NHEJ1: variants seen among roughly 807,000 people sequenced by gnomAD.
NHEJ1 encodes non-homologous end-joining factor 1.
A neutral mutation model predicts 39.4 loss-of-function variants in NHEJ1; 22 were observed. That is an observed-to-expected ratio of 0.56 (90% CI 0.40 to 0.80). NHEJ1 has a LOEUF of 0.80. NHEJ1 is among the 30% of genes least tolerant of loss of function. The pLI, the probability that NHEJ1 is intolerant of heterozygous loss-of-function variation, is 0.00. For missense variants in NHEJ1, 329 were observed against 357.1 expected, an observed-to-expected ratio of 0.92 and a Z score of 0.63; for synonymous variants, 154 against 135.6, an observed-to-expected ratio of 1.14 and a Z score of -0.94.
intron 5 of NHEJ1, among the ~76,000 whole-genome samples, chr2:219,080,680 AATATATATGCTT>A (rs1411239116): frequency 6.0e-5 from 5 of 83,156 alleles, no homozygotes; most frequent in African/African-American, 1.9e-4. Flanking sequence ...TATATATGCT[AATATATATGCTT>A]ATATATATAT....
rs1948957880 is a variant in NHEJ1, at chr2:219,071,608, T to C, written c.*4773A>G. Among the ~76,000 whole-genome samples, 1 of 152,218 alleles carries C rather than the reference T, an allele frequency of 6.6e-6. No homozygotes were observed. The highest frequency in any genetic ancestry group is 6.5e-5 in the Admixed American group (1 of 15,288). On this transcript the variant is annotated 3_prime_UTR_variant, in exon 8 of 8. Coordinates refer to ENST00000356853, the MANE Select transcript of NHEJ1 (RefSeq NM_024782.3). ...TACTCCCCAATTCTAACTCTGCTAC[T>C]GTTTTGGGCCCCAGAGTAAGGGCAG...
intron 5 of NHEJ1, among the ~76,000 whole-genome samples, chr2:219,090,006 T>C (rs1467918129): frequency 6.6e-6 from 1 of 152,182 alleles, no homozygotes; most frequent in East Asian, 1.9e-4. Flanking sequence ...TGAAAATAAG[T>C]CCACCACTTA....
intron 3 of NHEJ1, among the ~76,000 whole-genome samples, chr2:219,152,550 C>T (rs1030265649): frequency 6.6e-6 from 1 of 151,946 alleles, no homozygotes; most frequent in African/African-American, 2.4e-5. Context: ...CCTTGAACTC[C>T]TGGGCTCAAG....
chr2:219,070,674 TTTTC>T lies in NHEJ1; in HGVS notation c.*5703_*5706del, dbSNP rs748034762. Among the ~76,000 whole-genome samples, 219 of 151,762 alleles carry T rather than the reference TTTTC, an allele frequency of 1.4e-3. 2 individuals are homozygous for T. Among genetic ancestry groups the T allele is most frequent in the Middle Eastern group, 3.4e-3 (1 of 294 alleles). On this transcript the variant is annotated 3_prime_UTR_variant, in exon 8 of 8. Transcript: ENST00000356853. The stretch of plus-strand genomic sequence containing the variant: ...TTTAGCACAATCCAGACACTCAATC[TTTTC>T]TTTCTTTTTTTTTTTTAATTCAAAA...
At chr2:219,116,346 A>T (rs1949415988) in intron 5 of NHEJ1, among the ~76,000 whole-genome samples, 1 of 152,082 alleles carries the variant, frequency 6.6e-6, no homozygotes, top group African/African-American at 2.4e-5. Context: ...ATTGGTGGAT[A>T]TAACTCTTAG....
chr2:219,153,865 G>A (rs974049990), intron 3 of NHEJ1, among the ~76,000 whole-genome samples: 24 of 152,218 alleles, frequency 1.6e-4, no homozygotes, highest in African/African-American at 5.3e-4. Flanking sequence ...ACAGCTGGAA[G>A]GAGTTAAGCT....
At chr2:219,136,288 T>C (rs1435222497) in intron 5 of NHEJ1, among the ~76,000 whole-genome samples, 17 of 12,862 alleles carry the variant, frequency 1.3e-3, no homozygotes, top group Non-Finnish European at 9.2e-4. Flanking sequence ...CTTGGTTTCT[T>C]TTTTTTTTTT....
intron 5 of NHEJ1, 112 bp from the exon 6 acceptor site, chr2:219,078,318 T>A: frequency 1.1e-6 from 1 of 918,080 alleles, no homozygotes; most frequent in Non-Finnish European, 1.8e-6. Flanking sequence ...ATAAAGCAGT[T>A]AGATCCAATA....
chr2:219,108,685 T>C (rs1449564361), intron 5 of NHEJ1, among the ~76,000 whole-genome samples: 1 of 152,194 alleles, frequency 6.6e-6, no homozygotes, highest in Non-Finnish European at 1.5e-5. Flanking sequence ...AAATAATCCC[T>C]TCTGATTCCA....
intron 5 of NHEJ1, among the ~76,000 whole-genome samples, chr2:219,117,883 A>C (rs535909293): frequency 1.3e-5 from 2 of 152,370 alleles, no homozygotes; most frequent in Admixed American, 1.3e-4. Flanking sequence ...GGCATACAAT[A>C]GGTACAAAAA....
In NHEJ1 at chr2:219,138,762, A is replaced by C. The variant is rs908187245; in HGVS notation, c.588+7918T>G. ...ATGGTAAGATGAAATGGGAGTGCTAAGGTGCAGGGGGGACAAATGGAGCTT... is the reference window on the plus strand; with the variant it reads ...ATGGTAAGATGAAATGGGAGTGCTACGGTGCAGGGGGGACAAATGGAGCTT... On this transcript the variant is annotated intron_variant, in intron 5 of 7. Coordinates refer to ENST00000356853, the MANE Select transcript of NHEJ1 (RefSeq NM_024782.3). Among the ~76,000 whole-genome samples, 14 of 152,236 alleles carry C rather than the reference A, an allele frequency of 9.2e-5. 1 individual carries two copies. Among genetic ancestry groups the C allele is most frequent in the Non-Finnish European group, 1.9e-4 (13 of 68,042 alleles).
intron 5 of NHEJ1, among the ~76,000 whole-genome samples, chr2:219,102,017 C>A (rs1282597750): frequency 6.6e-6 from 1 of 152,236 alleles, no homozygotes; most frequent in Non-Finnish European, 1.5e-5. Flanking sequence ...AGCCACCGCA[C>A]CCAGCCCTCA....
chr2:219,158,007 A>T (rs1170241703), intron 2 of NHEJ1, among the ~76,000 whole-genome samples, 179 bp downstream of exon 2: 18 of 148,894 alleles, frequency 1.2e-4, no homozygotes, highest in African/African-American at 3.3e-4. Context: ...ACACACACAC[A>T]CACACACACA....
chr2:219,112,678 T>C (rs1949376467), intron 5 of NHEJ1, among the ~76,000 whole-genome samples: 1 of 152,166 alleles, frequency 6.6e-6, no homozygotes, highest in Non-Finnish European at 1.5e-5. Context: ...GACTCATCAA[T>C]ACTACTTCCC....
At chr2:219,120,505 T>A (rs566612311) in intron 5 of NHEJ1, among the ~76,000 whole-genome samples, 79 of 152,298 alleles carry the variant, frequency 5.2e-4, no homozygotes, top group Middle Eastern at 3.4e-3. Flanking sequence ...GTGTTAATAT[T>A]ATTCTTTCTG....
rs982722299 is a variant in NHEJ1 at position 219,083,485 on chromosome 2, A to C, written c.589-5279T>G. ...AAAAATTACTAGAAAAAAAAAAAAG[A>C]AATACACTTTAAGTTCTGGCCTTAA... On this transcript the variant is annotated intron_variant, in intron 5 of 7. Transcript: ENST00000356853. Among the ~76,000 whole-genome samples, 31 of 148,860 alleles carry C rather than the reference A, an allele frequency of 2.1e-4. No individual in the cohort carries two copies. The South Asian group carries it at 2.1e-3, about 10-fold the overall frequency.
At chr2:219,122,430 ATC>A (rs1186651738) in intron 5 of NHEJ1, among the ~76,000 whole-genome samples, 1 of 152,138 alleles carries the variant, frequency 6.6e-6, no homozygotes, top group Non-Finnish European at 1.5e-5. Context: ...CATGTTAGTT[ATC>A]TCTGTACCCT....
chr2:219,105,555 G>A (rs1011984612), intron 5 of NHEJ1, among the ~76,000 whole-genome samples: 4 of 152,186 alleles, frequency 2.6e-5, no homozygotes, highest in African/African-American at 9.7e-5. Context: ...TGTTCACGAA[G>A]TATTTAAAGA....
At chr2:219,137,999 C>T (rs1574735628) in intron 5 of NHEJ1, among the ~76,000 whole-genome samples, 2 of 152,226 alleles carry the variant, frequency 1.3e-5, no homozygotes, top group East Asian at 1.9e-4. Context: ...TTTTCTAGGT[C>T]GGAGAACTGA....
Sources: allele counts gnomAD v4.1 joint callset (sites outside exome capture counted in the v4.1 genomes callset), GRCh38; gene constraint gnomAD v4.1.1; transcripts MANE v1.5; gene names NCBI Gene and HGNC (gene_info 2026-07-23, HGNC 2026-07-21).